Variants in KCNJ10 observed in about 807,000 individuals in gnomAD.
The protein encoded by KCNJ10 is potassium inwardly rectifying channel subfamily J member 10.
A neutral mutation model predicts 22.2 loss-of-function variants in KCNJ10; 9 were observed. The observed-to-expected ratio is 0.40, with a 90% CI of 0.24 to 0.71. The LOEUF is 0.71. Among genes scored for constraint, KCNJ10 ranks in the 30% least tolerant of loss-of-function variants. KCNJ10 has a pLI of 0.35. For missense variants in KCNJ10, 337 were observed against 482.7 expected (o/e 0.70, Z 2.83); for synonymous variants, 184 against 187.3 (o/e 0.98, Z 0.15).
chr1:160,068,177 G>A (rs1381948698), intron 1 of KCNJ10: 1 of 152,222 alleles, frequency 6.6e-6, no homozygotes, highest in African/African-American at 2.4e-5. Context: ...AGATGTTGGG[G>A]AAGATGGATT....
At chr1:160,045,510 C>G (rs916087414) in intron 1 of KCNJ10, among the ~76,000 whole-genome samples, 3 of 152,116 alleles carry the variant, frequency 2.0e-5, no homozygotes, top group Admixed American at 6.6e-5. Context: ...TGTGATTTAG[C>G]AAAGCAGTAC....
At chr1:160,048,553 G>A (rs1289762232) in intron 1 of KCNJ10, among the ~76,000 whole-genome samples, 3 of 152,202 alleles carry the variant, frequency 2.0e-5, no homozygotes. Context: ...GCACCCACAG[G>A]GAAAGTGCTT....
intron 1 of KCNJ10, among the ~76,000 whole-genome samples, chr1:160,048,078 T>A (rs1648789389): frequency 1.3e-5 from 2 of 152,238 alleles, no homozygotes; most frequent in Admixed American, 6.5e-5. Flanking sequence ...ATTATAGTGC[T>A]TTGAGATGGT....
Position 160,041,430 on chromosome 1 carries a change from T to A in KCNJ10, c.1103A>T (p.Glu368Val), listed in dbSNP as rs374990648. 2 of 1,613,864 alleles carry A rather than the reference T, an allele frequency of 1.2e-6. No individual in the cohort carries two copies. Among genetic ancestry groups the A allele is most frequent in the Non-Finnish European group, 1.7e-6 (2 of 1,179,996 alleles). ...GATGCGCACACTAAGGGCACTGCCC[T>A]CCTTCTCAGCTTGCTCCCTTAATGA... ...EESLREQAEK[E>V]GSALSVRISN... The change falls in exon 2 of 2, where the codon GAG (glutamate) becomes GTG (valine). Residue 368 changes from glutamate to valine, a missense_variant. Physicochemically the swap from Glu to Val is moderately radical, Grantham distance 121. This residue lies in a region of KCNJ10 where 65 missense variants were observed against 66.0 expected (regional missense o/e 0.98). Transcript: ENST00000644903. The surrounding 1 kb of genome is among the most constrained non-coding windows in gnomAD (Gnocchi z 4.4).
At chr1:160,050,018 G>A (rs190109104) in intron 1 of KCNJ10, among the ~76,000 whole-genome samples, 23 of 151,772 alleles carry the variant, frequency 1.5e-4, no homozygotes, top group South Asian at 6.3e-4. Flanking sequence ...ATGGAAACCC[G>A]AGATAACTAA....
At chr1:160,048,011 G>C (rs1229564103) in intron 1 of KCNJ10, among the ~76,000 whole-genome samples, 2 of 152,224 alleles carry the variant, frequency 1.3e-5, no homozygotes, top group East Asian at 3.8e-4. Flanking sequence ...AAAGTGCTGG[G>C]ATTACAGGTG....
rs1648576175 is a variant in KCNJ10, at chr1:160,040,507, C to A, written c.*886G>T. The A allele has an allele frequency of 2.0e-5, 8 of 398,464 alleles. No individual in the cohort carries two copies. The East Asian group carries it at 2.8e-4, about 14-fold the overall frequency. 24.7% of individuals were successfully genotyped at this position (398,464 alleles called of 1,614,324 possible). Reference sequence around the variant, plus strand: ...CTGGAATATTATTTTCAGACCTTTCCATGGGGCCTGGGTACTGGACTCTTT... The same window carrying A: ...CTGGAATATTATTTTCAGACCTTTCAATGGGGCCTGGGTACTGGACTCTTT... On this transcript the variant is annotated 3_prime_UTR_variant, in exon 2 of 2. Transcript: ENST00000644903.
chr1:160,065,338 G>A (rs1649295937), intron 1 of KCNJ10, among the ~76,000 whole-genome samples: 1 of 152,176 alleles, frequency 6.6e-6, no homozygotes, highest in East Asian at 1.9e-4. Flanking sequence ...CTGGACAGTA[G>A]CTACTCTGTG....
intron 1 of KCNJ10, chr1:160,062,401 A>T (rs1031469987): frequency 6.6e-6 from 1 of 152,292 alleles, no homozygotes; most frequent in Non-Finnish European, 1.5e-5. Context: ...GGACATTAGT[A>T]TGCAGAGCCA....
intron 1 of KCNJ10, among the ~76,000 whole-genome samples, chr1:160,059,999 A>G (rs907094745): frequency 3.3e-5 from 5 of 152,164 alleles, no homozygotes; most frequent in African/African-American, 1.2e-4. Flanking sequence ...TCATATTCAG[A>G]AAATTGAGCC....
chr1:160,060,438 C>T (rs897092061), intron 1 of KCNJ10, among the ~76,000 whole-genome samples: 3 of 151,946 alleles, frequency 2.0e-5, no homozygotes, highest in Non-Finnish European at 2.9e-5. Context: ...ATGGATGAGG[C>T]GGCTTAAGGA....
chr1:160,061,497 A>T (rs1355153558), intron 1 of KCNJ10, among the ~76,000 whole-genome samples: 1 of 151,960 alleles, frequency 6.6e-6, no homozygotes, highest in Non-Finnish European at 1.5e-5. Context: ...GGCCTGGCCC[A>T]CCTAACTGCT....
At chr1:160,066,120 G>A (rs1649318563) in intron 1 of KCNJ10, among the ~76,000 whole-genome samples, 1 of 152,202 alleles carries the variant, frequency 6.6e-6, no homozygotes, top group Non-Finnish European at 1.5e-5. Flanking sequence ...GTCTCTGACA[G>A]AAGTCTTTGG....
intron 1 of KCNJ10, among the ~76,000 whole-genome samples, chr1:160,046,764 C>G (rs1382335117): frequency 2.0e-5 from 3 of 152,180 alleles, no homozygotes; most frequent in Non-Finnish European, 2.9e-5. Context: ...CAAAGCTGGC[C>G]AGGCCCCTGG....
intron 1 of KCNJ10, among the ~76,000 whole-genome samples, chr1:160,052,818 T>G (rs995012626): frequency 1.3e-5 from 2 of 152,136 alleles, no homozygotes; most frequent in African/African-American, 4.8e-5. Flanking sequence ...GTTTCACACT[T>G]CTCAAACTAG....
chr1:160,056,499 T>C (rs1471273888), intron 1 of KCNJ10, among the ~76,000 whole-genome samples: 1 of 152,252 alleles, frequency 6.6e-6, no homozygotes, highest in South Asian at 2.1e-4. Context: ...AAGACTCCCC[T>C]CCAGACTGCT....
rs553192435 is a variant in KCNJ10 at position 160,040,137 on chromosome 1, T to A, written c.*1256A>T. On this transcript the variant is annotated 3_prime_UTR_variant, in exon 2 of 2. Coordinates refer to ENST00000644903, the MANE Select transcript of KCNJ10 (RefSeq NM_002241.5). ...AATTTCATTTCCTTCCAGCATTGCC[T>A]AATGAAATAGCTGGCACTTTTCAGA... 1 of 179,134 alleles carries A rather than the reference T, an allele frequency of 5.6e-6. No individual in the cohort carries two copies. The highest frequency in any genetic ancestry group is 2.3e-5 in the African/African-American group (1 of 42,668). The allele number at this position is 179,134 out of a possible 1,614,324, so 11.1% of individuals were successfully genotyped here. A position where few individuals can be genotyped will look rare whatever the true frequency, so the allele number is the denominator to read the frequency against.
intron 1 of KCNJ10, among the ~76,000 whole-genome samples, chr1:160,066,492 G>A (rs1649324532): frequency 6.6e-6 from 1 of 152,126 alleles, no homozygotes; most frequent in African/African-American, 2.4e-5. Flanking sequence ...TGGGAGAAAA[G>A]CAATGGCCCA....
At position 160,041,322 on chromosome 1, in the gene KCNJ10, G is replaced by A. The variant is rs762083144; in HGVS notation, c.*71C>T. On this transcript the variant is annotated 3_prime_UTR_variant, in exon 2 of 2. Transcript: ENST00000644903. This position sits in a 1 kb window ranked among gnomAD's most constrained non-coding sequence, Gnocchi z 4.4. Reference sequence around the variant, plus strand: ...TTCGGGGGATCTCCAGTAAACCCGGGTAGTATTCCTTACCAGGGCATTGGA... The same window carrying A: ...TTCGGGGGATCTCCAGTAAACCCGGATAGTATTCCTTACCAGGGCATTGGA... 184 of 1,450,062 alleles carry A rather than the reference G, an allele frequency of 1.3e-4. No homozygotes were observed. The highest frequency in any genetic ancestry group is 1.7e-4 in the Non-Finnish European group (180 of 1,047,042). The allele number at this position is 1,450,062 out of a possible 1,614,324, so 89.8% of individuals were successfully genotyped here. A position where few individuals can be genotyped will look rare whatever the true frequency, so the allele number is the denominator to read the frequency against.
Sources: gnomAD v4.1 joint callset for allele counts (sites outside exome capture counted in the v4.1 genomes callset) on GRCh38, gnomAD v4.1.1 for gene constraint, gnomAD v4.1.1 regional missense constraint, Gnocchi (gnomAD v3.1) non-coding constraint, MANE v1.5 for transcripts, NCBI Gene and HGNC (gene_info 2026-07-23, HGNC 2026-07-21) for gene names.